Variants in ENOX1 observed in about 807,000 individuals in gnomAD.
ENOX1 encodes the protein ecto-NOX disulfide-thiol exchanger 1.
In ENOX1, 42 loss-of-function variants were observed where a neutral mutation model predicts 82.5. That is an observed-to-expected ratio of 0.51 (90% CI 0.40 to 0.66). The LOEUF (loss-of-function observed/expected upper bound fraction) is 0.66. ENOX1 is among the 30% of genes least tolerant of loss of function. ENOX1 has a pLI of 0.00. For missense variants in ENOX1, 608 were observed against 811.6 expected, an observed-to-expected ratio of 0.75 and a Z score of 3.05; for synonymous variants, 271 against 282.2, an observed-to-expected ratio of 0.96 and a Z score of 0.40.
intron 3 of ENOX1, among the ~76,000 whole-genome samples, chr13:43,477,099 A>G (rs1441136813): frequency 6.6e-6 from 1 of 151,866 alleles, no homozygotes; most frequent in African/African-American, 2.4e-5. Flanking sequence ...TATATTCAGT[A>G]TGATCCCATC....
chr13:43,348,884 G>A (rs2049572463), intron 8 of ENOX1, among the ~76,000 whole-genome samples: 1 of 152,224 alleles, frequency 6.6e-6, no homozygotes, highest in African/African-American at 2.4e-5. Context: ...GAAATTGTAT[G>A]CTGAGGTTGC....
chr13:43,241,219 C>T (rs2042814343), intron 14 of ENOX1, among the ~76,000 whole-genome samples: 1 of 152,152 alleles, frequency 6.6e-6, no homozygotes, highest in African/African-American at 2.4e-5. Flanking sequence ...TGGAAAGGAC[C>T]TTATCAGAAT....
At chr13:43,445,155 G>C (rs1177091855) in intron 3 of ENOX1, among the ~76,000 whole-genome samples, 1 of 128,356 alleles carries the variant, frequency 7.8e-6, no homozygotes, top group African/African-American at 2.8e-5. Context: ...ACGGAGTCTT[G>C]CTTTGTTGCC....
At chr13:43,299,187 C>T (rs1378665172) in intron 11 of ENOX1, among the ~76,000 whole-genome samples, 2 of 152,180 alleles carry the variant, frequency 1.3e-5, no homozygotes, top group African/African-American at 4.8e-5. Context: ...CCAAATTCTC[C>T]ACATTTAGAT....
chr13:43,497,759 G>T (rs2076842979), intron 2 of ENOX1, among the ~76,000 whole-genome samples: 1 of 152,066 alleles, frequency 6.6e-6, no homozygotes, highest in African/African-American at 2.4e-5. Context: ...ACAATGACTA[G>T]AAGTGTTCTC....
intron 9 of ENOX1, among the ~76,000 whole-genome samples, chr13:43,337,863 TCA>T (rs1295590755): frequency 2.0e-5 from 3 of 152,210 alleles, no homozygotes; most frequent in African/African-American, 7.2e-5. Context: ...TCTCTGAGAC[TCA>T]GTTTCCTCCT....
In ENOX1 at chr13:43,326,483, T is replaced by A; in HGVS notation, c.1079A>T (p.Lys360Ile). 6.2e-7 allele frequency: 1 copy of A among 1,614,194 alleles called. No individual in the cohort carries two copies. ...GGCTTTCGAGAAATGGTCCCAAGCT[T>A]TTTGTCTGGTAGAAGCGTTGAAAAC... ...VAVFNASTRQ[K>I]AWDHFSKAQR... is the part of the protein sequence containing the mutation. Residue 360 changes from lysine to isoleucine, a missense_variant, in exon 10 of 17, where the codon AAA becomes ATA. Coordinates refer to ENST00000690772, the MANE Select transcript of ENOX1 (RefSeq NM_001347969.2).
chr13:43,732,288 CTT>C (rs1192403511), intron 1 of ENOX1, among the ~76,000 whole-genome samples: 1 of 152,138 alleles, frequency 6.6e-6, no homozygotes, highest in Non-Finnish European at 1.5e-5. Flanking sequence ...TTTCTCCTAG[CTT>C]TTTGTCTTCC....
intron 3 of ENOX1, among the ~76,000 whole-genome samples, chr13:43,472,385 T>A (rs889700284): frequency 2.6e-5 from 4 of 152,200 alleles, no homozygotes; most frequent in Non-Finnish European, 5.9e-5. Context: ...TACATGTGAA[T>A]ACCATTTATT....
intron 2 of ENOX1, among the ~76,000 whole-genome samples, chr13:43,496,149 C>A (rs553784805): frequency 3.1e-4 from 47 of 151,260 alleles, no homozygotes; most frequent in Middle Eastern, 3.4e-3. Context: ...TTATAGGGAG[C>A]CTTTAATGTT....
At chr13:43,784,124 G>A (rs1012193372) in intron 1 of ENOX1, among the ~76,000 whole-genome samples, 1 of 152,146 alleles carries the variant, frequency 6.6e-6, no homozygotes, top group Non-Finnish European at 1.5e-5. Context: ...AAATTCTAAG[G>A]ATGACAATAA....
At chr13:43,556,335 C>T (rs1279688514) in intron 2 of ENOX1, among the ~76,000 whole-genome samples, 1 of 152,022 alleles carries the variant, frequency 6.6e-6, no homozygotes, top group Non-Finnish European at 1.5e-5. Context: ...GAACATTAGG[C>T]TTTCCCTTAA....
At chr13:43,368,560 G>A (rs1346967345) in intron 5 of ENOX1, among the ~76,000 whole-genome samples, 1 of 152,124 alleles carries the variant, frequency 6.6e-6, no homozygotes, top group African/African-American at 2.4e-5. Context: ...TCACACTGTG[G>A]GCCAGGAACT....
At chr13:43,626,062 G>C (rs918281045) in intron 2 of ENOX1, among the ~76,000 whole-genome samples, 2 of 151,792 alleles carry the variant, frequency 1.3e-5, no homozygotes, top group African/African-American at 4.8e-5. Flanking sequence ...TATTGGGTGA[G>C]TTGTGGTAGC....
At chr13:43,324,823 C>T (rs960722698) in intron 10 of ENOX1, among the ~76,000 whole-genome samples, 17 of 152,076 alleles carry the variant, frequency 1.1e-4, no homozygotes, top group African/African-American at 3.9e-4. Flanking sequence ...CAGGGTTAAG[C>T]GAAGGTGAGA....
At chr13:43,250,250 G>C (rs2043374906) in intron 14 of ENOX1, among the ~76,000 whole-genome samples, 1 of 152,164 alleles carries the variant, frequency 6.6e-6, no homozygotes, top group African/African-American at 2.4e-5. Flanking sequence ...GATCTCTCCG[G>C]AAACTATAGC....
intron 16 of ENOX1, among the ~76,000 whole-genome samples, chr13:43,220,573 T>C (rs2041733846): frequency 6.6e-6 from 1 of 152,204 alleles, no homozygotes; most frequent in Admixed American, 6.5e-5. Flanking sequence ...CCTAAGACAG[T>C]GCTGGGTACA....
chr13:43,223,347 G>T (rs1023065852), intron 16 of ENOX1, among the ~76,000 whole-genome samples: 2 of 152,178 alleles, frequency 1.3e-5, no homozygotes, highest in African/African-American at 4.8e-5. Context: ...GTTGGTTAAT[G>T]ATGTTGTTTT....
intron 2 of ENOX1, among the ~76,000 whole-genome samples, chr13:43,591,778 T>C (rs1306085376): frequency 6.6e-6 from 1 of 152,192 alleles, no homozygotes; most frequent in Non-Finnish European, 1.5e-5. Flanking sequence ...ACCTGCATTT[T>C]GTCTCAGCCA....
Sources: allele counts gnomAD v4.1 joint callset (sites outside exome capture counted in the v4.1 genomes callset), GRCh38; gene constraint gnomAD v4.1.1; transcripts MANE v1.5; gene names NCBI Gene and HGNC (gene_info 2026-07-23, HGNC 2026-07-21).